The following ATP2B2 variants were observed in gnomAD, a reference collection of about 807,000 sequenced individuals.
ATP2B2 encodes the protein plasma membrane calcium-transporting ATPase 2.
ATP2B2 carries 15 observed loss-of-function variants against 120.0 expected under a neutral mutation model. The ratio of observed to expected loss-of-function variants is 0.12; its 90% CI spans 0.08 to 0.19. The LOEUF (loss-of-function observed/expected upper bound fraction) is 0.19, where lower values mean the gene tolerates loss of function less well. Among genes scored for constraint, ATP2B2 ranks in the 10% least tolerant of loss-of-function variants. The pLI is 1.00. For synonymous variants in ATP2B2, 694 were observed against 700.3 expected, an observed-to-expected ratio of 0.99 and a Z score of 0.14; for missense variants, 1,045 against 1,719.8, an observed-to-expected ratio of 0.61 and a Z score of 6.94.
At chr3:10,456,969 CAG>C (rs1247480126) in intron 1 of ATP2B2, among the ~76,000 whole-genome samples, 1 of 152,222 alleles carries the variant, frequency 6.6e-6, no homozygotes, top group African/African-American at 2.4e-5. Context: ...TGTCCTCACC[CAG>C]AGAGCCTCAG....
chr3:10,531,225 A>G (rs1395217441), intron 3 of ATP2B2, among the ~76,000 whole-genome samples: 1 of 152,184 alleles, frequency 6.6e-6, no homozygotes, highest in Non-Finnish European at 1.5e-5. Context: ...GGCTCAGCCC[A>G]GGCCTGCCCC....
At chr3:10,407,973 C>T (rs761035103) in intron 3 of ATP2B2, among the ~76,000 whole-genome samples, 2 of 152,162 alleles carry the variant, frequency 1.3e-5, no homozygotes, top group Non-Finnish European at 2.9e-5. Flanking sequence ...AGGCCCTGTG[C>T]CTAGGCTCTG....
At position 10,487,511 on chromosome 3, in the gene ATP2B2, C is replaced by G. The variant is rs538366525; in HGVS notation, c.-320+17954G>C. ...CAACTCATCAATTCTCAGCATGAAGCCAGTGGGCCACAAAGGCCTGTGAGT... is the reference window on the plus strand; with the variant it reads ...CAACTCATCAATTCTCAGCATGAAGGCAGTGGGCCACAAAGGCCTGTGAGT... On this transcript the variant is annotated intron_variant, in intron 1 of 22. Coordinates refer to ENST00000360273, the MANE Select transcript of ATP2B2 (RefSeq NM_001001331.4). Among the ~76,000 whole-genome samples the G allele has an allele frequency of 9.8e-5, 15 of 152,340 alleles. 1 individual carries two copies. Among genetic ancestry groups the G allele is most frequent in the African/African-American group, 3.1e-4 (13 of 41,566 alleles).
intron 3 of ATP2B2, among the ~76,000 whole-genome samples, chr3:10,407,789 C>G (rs1200821232): frequency 6.6e-6 from 1 of 152,200 alleles, no homozygotes; most frequent in Non-Finnish European, 1.5e-5. Flanking sequence ...GGGAGTGACA[C>G]CTGCTTCCTG....
At chr3:10,437,559 G>A (rs936633596) in intron 2 of ATP2B2, among the ~76,000 whole-genome samples, 3 of 152,218 alleles carry the variant, frequency 2.0e-5, no homozygotes, top group African/African-American at 7.2e-5. Context: ...GGGCTTGGGG[G>A]ACAGACACAT....
chr3:10,496,944 G>A (rs1335761892), intron 1 of ATP2B2, among the ~76,000 whole-genome samples: 1 of 152,180 alleles, frequency 6.6e-6, no homozygotes. Flanking sequence ...GGCCAGCCAC[G>A]GCTTTTGCTG....
At chr3:10,434,975 GC>G (rs1458200504) in intron 2 of ATP2B2, among the ~76,000 whole-genome samples, 1 of 152,224 alleles carries the variant, frequency 6.6e-6, no homozygotes. Context: ...AGGCTTCTGA[GC>G]CAGCATCCTG....
intron 21 of ATP2B2, among the ~76,000 whole-genome samples, chr3:10,339,738 G>A (rs2060222628): frequency 6.6e-6 from 1 of 152,158 alleles, no homozygotes; most frequent in South Asian, 2.1e-4. Flanking sequence ...CGTTCCCTCT[G>A]AGTGCTCTAA....
chr3:10,707,182 G>A (rs1440198627), intron 1 of ATP2B2, among the ~76,000 whole-genome samples: 1 of 152,244 alleles, frequency 6.6e-6, no homozygotes, highest in African/African-American at 2.4e-5. Context: ...TAGGCACTGG[G>A]CTGAAAAATC....
intron 1 of ATP2B2, among the ~76,000 whole-genome samples, chr3:10,670,114 C>T (rs752993154): frequency 2.6e-5 from 4 of 152,118 alleles, no homozygotes; most frequent in African/African-American, 7.2e-5. Context: ...GATGCAGTTG[C>T]TTAAAATAAA....
Position 10,651,744 on chromosome 3 carries a change from A to AATGGATGGATGGATGG in ATP2B2, c.-459-31799_-459-31784dup, listed in dbSNP as rs36070242. The stretch of plus-strand genomic sequence containing the variant: ...GGATGGATGGGTGAATGCATGTATG[A>AATGGATGGATGGATGG]ATGGATGGATGGATGGATGGATGGA... On this transcript the variant is annotated intron_variant, in intron 1 of 21. Transcript: ENST00000646379. 7.7e-3 allele frequency among the ~76,000 whole-genome samples: 1,154 copies of AATGGATGGATGGATGG among 150,678 alleles called. 16 individuals carry two copies. The highest frequency in any genetic ancestry group is 0.027 in the Admixed American group (411 of 15,152).
intron 14 of ATP2B2, among the ~76,000 whole-genome samples, chr3:10,358,205 A>G (rs2060795695): frequency 6.6e-6 from 1 of 152,210 alleles, no homozygotes; most frequent in Non-Finnish European, 1.5e-5. Flanking sequence ...CTGCATCTGC[A>G]CTGGGAGAAC....
rs532980222 is a variant in ATP2B2 at position 10,639,859 on chromosome 3, G to A, written c.-459-19898C>T. Among the ~76,000 whole-genome samples the A allele has an allele frequency of 9.9e-5, 15 of 152,284 alleles. No individual in the cohort carries two copies. The East Asian group carries it at 2.1e-3, about 22-fold the overall frequency. ...CTGATGTCTCCCATTGCTTAAACTC[G>A]AGCTAAGGCTGGAGGGCAGAAGTGC... On this transcript the variant is annotated intron_variant, in intron 1 of 21. Coordinates refer to the ATP2B2 transcript ENST00000646379.
chr3:10,575,491 G>T (rs1417609975), intron 2 of ATP2B2, among the ~76,000 whole-genome samples: 1 of 152,192 alleles, frequency 6.6e-6, no homozygotes, highest in East Asian at 1.9e-4. Context: ...TGAAGAATTT[G>T]TGGAGATGGA....
chr3:10,439,853 T>TCAAGTGATTCTTGTGC (rs56184337), intron 2 of ATP2B2, among the ~76,000 whole-genome samples: 40,616 of 151,358 alleles, frequency 0.27, 6,677 homozygotes, highest in Non-Finnish European at 0.38. Flanking sequence ...CCTCCCGGGT[T>TCAAGTGATTCTTGTGC]CAAGTGATTC....
Position 10,487,784 on chromosome 3 carries a change from T to C in ATP2B2, c.-320+17681A>G, listed in dbSNP as rs374476205. 2.8e-4 allele frequency among the ~76,000 whole-genome samples: 43 copies of C among 152,340 alleles called. No individual in the cohort carries two copies. In the East Asian group the frequency reaches 3.7e-3, roughly 13 times the overall value. On this transcript the variant is annotated intron_variant, in intron 1 of 22. Transcript: ENST00000360273. ...TGCCAGGCACCACTGAAAGCCACTA[T>C]CTGAAAGTGCCTCCAACAGTACTCG...
chr3:10,627,524 T>C (rs115909610), intron 1 of ATP2B2, among the ~76,000 whole-genome samples: 1,558 of 152,264 alleles, frequency 0.01, 17 homozygotes, highest in African/African-American at 0.034. Context: ...CTTAGCTATG[T>C]GACCCTGGGC....
intron 2 of ATP2B2, among the ~76,000 whole-genome samples, chr3:10,576,631 C>G (rs540484066): frequency 6.6e-6 from 1 of 152,038 alleles, no homozygotes; most frequent in Non-Finnish European, 1.5e-5. Context: ...CCTCCTGCCT[C>G]GGCCTCCCAA....
intron 2 of ATP2B2, among the ~76,000 whole-genome samples, chr3:10,443,992 C>T (rs776465315): frequency 7.2e-5 from 11 of 152,220 alleles, no homozygotes; most frequent in Non-Finnish European, 1.5e-4. Context: ...GTCATCATGT[C>T]TTCCCCTCCA....
Sources: allele counts gnomAD v4.1 joint callset (sites outside exome capture counted in the v4.1 genomes callset), GRCh38; gene constraint gnomAD v4.1.1; transcripts MANE v1.5; gene names NCBI Gene and HGNC (gene_info 2026-07-23, HGNC 2026-07-21).